Variants in FRMPD4 observed in about 807,000 individuals in gnomAD.
The protein encoded by FRMPD4 is FERM and PDZ domain containing 4, also known as FERM and PDZ domain-containing protein 4.
Under a neutral mutation model 94.1 loss-of-function variants are expected in FRMPD4, and 22 were observed. The observed-to-expected ratio is 0.23, with a 90% CI of 0.17 to 0.33. The LOEUF (loss-of-function observed/expected upper bound fraction) is 0.33, where lower values mean the gene tolerates loss of function less well. Among genes scored for constraint, FRMPD4 ranks in the 10% least tolerant of loss-of-function variants. The pLI is 1.00. For synonymous variants in FRMPD4, 631 were observed against 548.6 expected (o/e 1.15, Z -2.10); for missense variants, 1,111 against 1,339.9 (o/e 0.83, Z 2.67).
intron 3 of FRMPD4, among the ~76,000 whole-genome samples, chrX:12,048,696 C>A (rs1370112894): frequency 8.9e-6 from 1 of 112,021 alleles, no homozygotes; most frequent in African/African-American, 3.2e-5. Context: ...TTTCATTCAT[C>A]TGCATATGGC....
intron 1 of FRMPD4, among the ~76,000 whole-genome samples, chrX:11,839,131 T>A (rs1045775990): frequency 9.0e-6 from 1 of 111,461 alleles, no homozygotes; most frequent in Non-Finnish European, 1.9e-5. Context: ...TTTCTCCAAA[T>A]CCTCACCATA....
intron 1 of FRMPD4, among the ~76,000 whole-genome samples, chrX:12,349,433 G>A (rs773889538): frequency 1.8e-5 from 2 of 110,210 alleles, no homozygotes; most frequent in African/African-American, 3.3e-5. Flanking sequence ...TCCTCCATAG[G>A]ATACTAAGCC....
intron 3 of FRMPD4, among the ~76,000 whole-genome samples, chrX:11,928,294 G>T (rs370123567): frequency 3.7e-4 from 41 of 112,171 alleles, no homozygotes; most frequent in African/African-American, 1.3e-3. Context: ...ACAGTTCAGC[G>T]TGGCTGGGGA....
At chrX:12,109,733 G>A (rs1468326624) in intron 3 of FRMPD4, among the ~76,000 whole-genome samples, 1 of 111,542 alleles carries the variant, frequency 9.0e-6, no homozygotes, top group Non-Finnish European at 1.9e-5. Context: ...AATGATAAAG[G>A]GGATATCACC....
chrX:11,853,448 A>AT (rs1031274069), intron 1 of FRMPD4, among the ~76,000 whole-genome samples: 18 of 111,276 alleles, frequency 1.6e-4, no homozygotes, highest in African/African-American at 4.2e-4. Context: ...TCCAGGAGCC[A>AT]TTTTTTTAAA....
chrX:12,537,916 T>C (rs749351125), intron 2 of FRMPD4, among the ~76,000 whole-genome samples: 1 of 111,582 alleles, frequency 9.0e-6, no homozygotes, highest in East Asian at 2.8e-4. Context: ...AGGTCCAGCC[T>C]ACAGCTCCCA....
intron 1 of FRMPD4, among the ~76,000 whole-genome samples, chrX:12,357,971 A>G (rs925170276): frequency 7.1e-5 from 8 of 112,113 alleles, no homozygotes; most frequent in Non-Finnish European, 1.3e-4. Context: ...CACTTCGTCT[A>G]GATGAAATCA....
At chrX:12,564,792 A>G (rs1015845153) in intron 2 of FRMPD4, among the ~76,000 whole-genome samples, 2 of 105,729 alleles carry the variant, frequency 1.9e-5, no homozygotes, top group Non-Finnish European at 3.9e-5. Context: ...AGATGAGCCT[A>G]CAACATCTCA....
intron 1 of FRMPD4, among the ~76,000 whole-genome samples, chrX:12,423,471 C>T (rs1399606002): frequency 9.0e-6 from 1 of 111,395 alleles, no homozygotes; most frequent in Non-Finnish European, 1.9e-5. Flanking sequence ...ATGCTTTTGG[C>T]TGCCACTGTG....
rs779155741 is a variant in FRMPD4, at chrX:12,284,018, T to G, written c.41+145006T>G. ...CTACACATGAACCTAATAAAGGTTC[T>G]GATAAATATTTCAGTAAATTAATCT... On this transcript the variant is annotated intron_variant, in intron 1 of 16. Transcript: ENST00000675598. 3.6e-5 allele frequency among the ~76,000 whole-genome samples: 4 copies of G among 112,346 alleles called. No individual in the cohort carries two copies. The South Asian group carries it at 1.5e-3, about 42-fold the overall frequency.
chrX:11,836,813 G>T (rs941793446), intron 1 of FRMPD4, among the ~76,000 whole-genome samples: 3 of 111,299 alleles, frequency 2.7e-5, no homozygotes, highest in African/African-American at 9.8e-5. Context: ...GTTCATTATT[G>T]CTATACCCTG....
Position 11,971,806 on chromosome X carries a change from C to T in FRMPD4, c.95+93788C>T, listed in dbSNP as rs62589927. Among the ~76,000 whole-genome samples the T allele has an allele frequency of 6.6e-3, 742 of 112,353 alleles. 4 individuals are homozygous for T. The highest frequency in any genetic ancestry group is 0.011 in the Non-Finnish European group (606 of 53,221). The stretch of plus-strand genomic sequence containing the variant: ...CCCCTAAGAAAGAATGAGATAAAAA[C>T]GCCAATAATTATAACTACATCAACT... On this transcript the variant is annotated intron_variant, in intron 3 of 18. Coordinates refer to the FRMPD4 transcript ENST00000640291.
chrX:12,197,009 T>G (rs1209637622), intron 1 of FRMPD4, among the ~76,000 whole-genome samples: 1 of 112,026 alleles, frequency 8.9e-6, no homozygotes, highest in African/African-American at 3.2e-5. Flanking sequence ...AAATGGAATA[T>G]TCTAGTTTTA....
Position 12,723,456 on chromosome X carries a change from G to A in FRMPD4, c.*1598G>A, listed in dbSNP as rs1045171436. The A allele has an allele frequency of 1.8e-5, 2 of 111,737 alleles. No homozygotes were observed. Among genetic ancestry groups the A allele is most frequent in the Admixed American group, 9.5e-5 (1 of 10,518 alleles). 9.2% of individuals were successfully genotyped at this position (111,737 alleles called of 1,213,427 possible). On this transcript the variant is annotated 3_prime_UTR_variant, in exon 17 of 17. Transcript: ENST00000675598. Reference sequence around the variant, plus strand: ...AGGGACTCAACAACAAAAGCCGCACGTGGTTATGGATGGCAGCAAAGGAAA... The same window carrying A: ...AGGGACTCAACAACAAAAGCCGCACATGGTTATGGATGGCAGCAAAGGAAA...
intron 1 of FRMPD4, among the ~76,000 whole-genome samples, chrX:11,864,913 A>C (rs1224829317): frequency 8.9e-6 from 1 of 111,979 alleles, no homozygotes; most frequent in Non-Finnish European, 1.9e-5. Context: ...GTTTCATAAA[A>C]TTGACCATTA....
chrX:12,656,371 C>T (rs1405665924), intron 4 of FRMPD4, among the ~76,000 whole-genome samples: 1 of 112,120 alleles, frequency 8.9e-6, no homozygotes, highest in Non-Finnish European at 1.9e-5. Flanking sequence ...AATAGATACA[C>T]ATTTAATATA....
intron 1 of FRMPD4, among the ~76,000 whole-genome samples, chrX:12,456,084 G>A (rs766164349): frequency 8.9e-6 from 1 of 112,092 alleles, no homozygotes; most frequent in African/African-American, 3.2e-5. Flanking sequence ...ATGAGCCACT[G>A]TACCCAGCTG....
At chrX:12,435,120 T>G (rs1234985077) in intron 1 of FRMPD4, among the ~76,000 whole-genome samples, 2 of 111,900 alleles carry the variant, frequency 1.8e-5, no homozygotes, top group Non-Finnish European at 3.8e-5. Flanking sequence ...GTTTTCTTCA[T>G]AACAATTTTT....
In FRMPD4 at chrX:12,400,135, C is replaced by A. The variant is rs997303529; in HGVS notation, c.42-98545C>A. Among the ~76,000 whole-genome samples, 3 of 112,221 alleles carry A rather than the reference C, an allele frequency of 2.7e-5. No individual in the cohort carries two copies. In the East Asian group the frequency reaches 8.4e-4, roughly 31 times the overall value. ...TACTTATATCCCATTGGTTAATAAA[C>A]CCATTTTCTTAAGAGGGCTACATAG... On this transcript the variant is annotated intron_variant, in intron 1 of 16. Coordinates refer to ENST00000675598, the MANE Select transcript of FRMPD4 (RefSeq NM_001368397.1).
Sources: allele counts gnomAD v4.1 joint callset (sites outside exome capture counted in the v4.1 genomes callset), GRCh38; gene constraint gnomAD v4.1.1; transcripts MANE v1.5; gene names NCBI Gene and HGNC (gene_info 2026-07-23, HGNC 2026-07-21).